Variants in APBB2 observed in about 807,000 individuals in gnomAD.
APBB2 encodes amyloid beta precursor protein binding family B member 2.
A neutral mutation model predicts 82.5 loss-of-function variants in APBB2; 38 were observed. That is an observed-to-expected ratio of 0.46 (90% CI 0.36 to 0.60). The LOEUF is 0.60. Among genes scored for constraint, APBB2 ranks in the 20% least tolerant of loss-of-function variants. The probability of loss-of-function intolerance (pLI) is 0.00; values close to 1 mark genes in which losing one functional copy is unlikely to be tolerated. For synonymous variants in APBB2, 341 were observed against 368.2 expected, an observed-to-expected ratio of 0.93 and a Z score of 0.85; for missense variants, 772 against 972.3, an observed-to-expected ratio of 0.79 and a Z score of 2.74.
At chr4:40,904,218 G>A (rs1578316166) in intron 10 of APBB2, among the ~76,000 whole-genome samples, 1 of 152,094 alleles carries the variant, frequency 6.6e-6, no homozygotes, top group South Asian at 2.1e-4. Flanking sequence ...ATCACTTGAG[G>A]TCAGGAGTTC....
At chr4:41,207,377 A>C (rs1160277207) in intron 1 of APBB2, among the ~76,000 whole-genome samples, 1 of 152,164 alleles carries the variant, frequency 6.6e-6, no homozygotes, top group Non-Finnish European at 1.5e-5. Flanking sequence ...GATACTGCAG[A>C]GGTCTGGGCC....
chr4:41,191,970 A>G (rs1024656136), intron 1 of APBB2, among the ~76,000 whole-genome samples: 1 of 152,192 alleles, frequency 6.6e-6, no homozygotes, highest in African/African-American at 2.4e-5. Context: ...TGAATAAGTC[A>G]CCTGGATAGA....
At chr4:41,077,849 C>T (rs910808858) in intron 3 of APBB2, among the ~76,000 whole-genome samples, 2 of 152,096 alleles carry the variant, frequency 1.3e-5, no homozygotes, top group East Asian at 3.9e-4. Flanking sequence ...GTGCATAGGC[C>T]TCAAGAGTAA....
intron 5 of APBB2, among the ~76,000 whole-genome samples, chr4:41,031,500 A>C (rs1359671929): frequency 6.6e-6 from 1 of 152,216 alleles, no homozygotes; most frequent in Non-Finnish European, 1.5e-5. Context: ...CTGTTATTTA[A>C]AAACCAGGCT....
chr4:41,068,357 G>A (rs531432714), intron 3 of APBB2, among the ~76,000 whole-genome samples: 1 of 152,112 alleles, frequency 6.6e-6, no homozygotes, highest in Admixed American at 6.5e-5. Flanking sequence ...GGTAAGTGGG[G>A]GCTACAGGAA....
chr4:41,186,821 C>T (rs941672267), intron 1 of APBB2, among the ~76,000 whole-genome samples: 4 of 152,154 alleles, frequency 2.6e-5, no homozygotes, highest in African/African-American at 9.7e-5. Context: ...AGGTATTAAT[C>T]GATAAACATG....
intron 4 of APBB2, among the ~76,000 whole-genome samples, chr4:41,061,089 A>G (rs1729662122): frequency 6.6e-6 from 1 of 152,198 alleles, no homozygotes; most frequent in Non-Finnish European, 1.5e-5. Flanking sequence ...TTTGGCTACT[A>G]TGCATGAGTT....
chr4:41,141,747 G>A (rs1034803221), intron 2 of APBB2, among the ~76,000 whole-genome samples: 3 of 152,204 alleles, frequency 2.0e-5, no homozygotes, highest in Non-Finnish European at 4.4e-5. Flanking sequence ...GTCTTGCATG[G>A]ATGCCAGCAG....
intron 2 of APBB2, among the ~76,000 whole-genome samples, chr4:41,119,928 C>G (rs549138903): frequency 6.6e-6 from 1 of 152,274 alleles, no homozygotes; most frequent in South Asian, 2.1e-4. Context: ...TGATAATATT[C>G]ATGACAATAA....
intron 10 of APBB2, among the ~76,000 whole-genome samples, 175 bp from the exon 11 acceptor site, chr4:40,893,586 G>T (rs989305621): frequency 7.2e-6 from 1 of 139,166 alleles, no homozygotes; most frequent in Non-Finnish European, 1.6e-5. Context: ...AAATTAAATT[G>T]TAACTATTTT....
At chr4:40,893,244 A>T (rs368636661) in intron 11 of APBB2, 21 bp downstream of exon 11, 2 of 1,610,624 alleles carry the variant, frequency 1.2e-6, no homozygotes, top group Non-Finnish European at 1.7e-6. Context: ...CCTGCCGTGC[A>T]TCATTCTACA....
chr4:41,119,563 TA>T lies in APBB2; in HGVS notation c.-260-18814del, dbSNP rs565324114. The stretch of plus-strand genomic sequence containing the variant: ...AAAAAGTTGGCAATTTTTTTTTCCT[TA>T]AAAATCGCAGTCCCAATTCCCAAGT... On this transcript the variant is annotated intron_variant, in intron 2 of 17. Transcript: ENST00000508593. Among the ~76,000 whole-genome samples, 22 of 150,884 alleles carry T rather than the reference TA, an allele frequency of 1.5e-4. No homozygotes were observed. The East Asian group carries it at 4.1e-3, about 28-fold the overall frequency.
chr4:41,046,594 T>TA (rs5857769), intron 4 of APBB2, among the ~76,000 whole-genome samples: 32,447 of 149,646 alleles, frequency 0.22, 4,446 homozygotes, highest in East Asian at 0.54. Flanking sequence ...TTCTCCAGTT[T>TA]AAAAAAAAAA....
intron 6 of APBB2, among the ~76,000 whole-genome samples, chr4:41,001,185 T>G (rs1358386697): frequency 6.6e-6 from 1 of 152,236 alleles, no homozygotes; most frequent in Non-Finnish European, 1.5e-5. Flanking sequence ...ATTCTCACTT[T>G]CTGACAATTC....
intron 1 of APBB2, among the ~76,000 whole-genome samples, chr4:41,148,365 A>G (rs1761358906): frequency 6.6e-6 from 1 of 152,250 alleles, no homozygotes; most frequent in South Asian, 2.1e-4. Flanking sequence ...GATAACTAAC[A>G]GCCTCTTTAA....
chr4:41,209,049 G>T (rs1778668506), intron 1 of APBB2, among the ~76,000 whole-genome samples: 1 of 152,092 alleles, frequency 6.6e-6, no homozygotes, highest in South Asian at 2.1e-4. Context: ...GCCCAGTTGT[G>T]TGACTTGACC....
At chr4:40,901,740 C>T (rs1252421697) in intron 10 of APBB2, among the ~76,000 whole-genome samples, 1 of 152,122 alleles carries the variant, frequency 6.6e-6, no homozygotes, top group Non-Finnish European at 1.5e-5. Flanking sequence ...GAACTCCTGA[C>T]CTCAAGTGAT....
At chr4:40,894,773 A>C (rs1773181856) in intron 10 of APBB2, among the ~76,000 whole-genome samples, 1 of 152,216 alleles carries the variant, frequency 6.6e-6, no homozygotes, top group Non-Finnish European at 1.5e-5. Context: ...TATTATAACA[A>C]GTAAAAAATC....
rs1184843867 is a variant in APBB2 at position 40,812,518 on chromosome 4, A to AGAT, written c.*3571_*3573dup. ...CTACTGGCCGTGTGGCACACACGTT[A>AGAT]GATGTGTATTAGGTTAAGCCTGGCC... is the stretch of plus-strand genomic sequence containing the variant. On this transcript the variant is annotated 3_prime_UTR_variant, in exon 18 of 18. Coordinates refer to ENST00000508593, the MANE Select transcript of APBB2 (RefSeq NM_004307.2). 1.3e-5 allele frequency: 2 copies of AGAT among 152,240 alleles called. No homozygotes were observed. Among genetic ancestry groups the AGAT allele is most frequent in the Non-Finnish European group, 2.9e-5 (2 of 68,048 alleles). The allele number at this position is 152,240 out of a possible 1,614,324, so 9.4% of individuals were successfully genotyped here.
Sources: allele counts gnomAD v4.1 joint callset (sites outside exome capture counted in the v4.1 genomes callset), GRCh38; gene constraint gnomAD v4.1.1; transcripts MANE v1.5; gene names NCBI Gene and HGNC (gene_info 2026-07-23, HGNC 2026-07-21).